The following CACNB2 variants were observed in gnomAD, a reference collection of about 807,000 sequenced individuals.
The protein encoded by CACNB2 is calcium voltage-gated channel auxiliary subunit beta 2.
Under a neutral mutation model 73.3 loss-of-function variants are expected in CACNB2, and 42 were observed. The ratio of observed to expected loss-of-function variants is 0.57; its 90% CI spans 0.45 to 0.74. The LOEUF is 0.74. CACNB2 is among the 30% of genes least tolerant of loss of function. CACNB2 has a pLI of 0.00. For missense variants in CACNB2, 940 were observed against 853.0 expected (o/e 1.10, Z -1.27); for synonymous variants, 348 against 310.3 (o/e 1.12, Z -1.28).
intron 3 of CACNB2, among the ~76,000 whole-genome samples, chr10:18,470,550 A>T (rs953404836): frequency 1.3e-5 from 2 of 151,582 alleles, no homozygotes; most frequent in South Asian, 4.2e-4. Flanking sequence ...GTTATTCTGT[A>T]TATATTATAT....
At chr10:18,181,427 G>A (rs1055569736) in intron 2 of CACNB2, among the ~76,000 whole-genome samples, 6 of 152,052 alleles carry the variant, frequency 3.9e-5, no homozygotes, top group East Asian at 1.9e-4. Context: ...CTCTCTGCCC[G>A]TAAGGAACTT....
intron 2 of CACNB2, among the ~76,000 whole-genome samples, chr10:18,309,116 C>CA (rs2039859478): frequency 6.6e-6 from 1 of 152,064 alleles, no homozygotes; most frequent in Admixed American, 6.6e-5. Context: ...GTGAAGCTGT[C>CA]ATTTGATATG....
intron 2 of CACNB2, among the ~76,000 whole-genome samples, chr10:18,366,703 T>A (rs2042368796): frequency 6.6e-6 from 1 of 150,944 alleles, no homozygotes; most frequent in Non-Finnish European, 1.5e-5. Flanking sequence ...TAGCCGGAAA[T>A]CACTTGAACT....
At chr10:18,260,619 C>G (rs556499659) in intron 2 of CACNB2, 4 of 987,010 alleles carry the variant, frequency 4.1e-6, no homozygotes, top group Non-Finnish European at 4.8e-6. Context: ...AGTCTAGACT[C>G]AGTCATTTTT....
At chr10:18,356,348 C>T (rs1189530562) in intron 2 of CACNB2, among the ~76,000 whole-genome samples, 1 of 152,200 alleles carries the variant, frequency 6.6e-6, no homozygotes, top group Non-Finnish European at 1.5e-5. Flanking sequence ...ACCTCATCAT[C>T]ACTGCTTATT....
intron 2 of CACNB2, among the ~76,000 whole-genome samples, chr10:18,218,956 GAGTTTA>G (rs2035619001): frequency 6.6e-6 from 1 of 152,190 alleles, no homozygotes; most frequent in East Asian, 1.9e-4. Flanking sequence ...TTGAGCCCAG[GAGTTTA>G]AGACCGGCCT....
At chr10:18,405,120 TG>T (rs1387127644) in intron 3 of CACNB2, among the ~76,000 whole-genome samples, 2 of 152,164 alleles carry the variant, frequency 1.3e-5, no homozygotes, top group Non-Finnish European at 2.9e-5. Flanking sequence ...ACAACTTTAT[TG>T]AGATATAATT....
chr10:18,536,109 A>G lies in CACNB2; in HGVS notation c.1215A>G (p.Gln405=). 6.3e-7 allele frequency: 1 copy of G among 1,598,414 alleles called. No homozygotes were observed. The highest frequency in any genetic ancestry group is 8.6e-7 in the Non-Finnish European group (1 of 1,165,854). The change falls in exon 12 of 14, where the codon CAA becomes CAG. Residue 405 remains glutamine (Q), a synonymous_variant. Coordinates refer to ENST00000324631, the MANE Select transcript of CACNB2 (RefSeq NM_201596.3). ...CTCATTATCTTTTACAGGTTTTACA[A>G]AGGTTAATAAAATCTCGAGGGAAAT... The part of the protein sequence containing the change: ...YVKISSPKVL[Q]RLIKSRGKSQ...
At chr10:18,284,481 G>C (rs1221764036) in intron 2 of CACNB2, among the ~76,000 whole-genome samples, 1 of 152,180 alleles carries the variant, frequency 6.6e-6, no homozygotes, top group African/African-American at 2.4e-5. Flanking sequence ...ATCCTTGATT[G>C]ATAGGATATA....
chr10:18,478,698 T>C (rs1440298973), intron 3 of CACNB2, among the ~76,000 whole-genome samples: 5 of 152,168 alleles, frequency 3.3e-5, no homozygotes, highest in Non-Finnish European at 5.9e-5. Flanking sequence ...AAACAAGTTA[T>C]GGGAGTAGGG....
chr10:18,195,421 G>A (rs1430028945), intron 2 of CACNB2, among the ~76,000 whole-genome samples: 1 of 152,122 alleles, frequency 6.6e-6, no homozygotes, highest in East Asian at 1.9e-4. Context: ...TCTCTCAGGG[G>A]GTATCAAGTG....
intron 2 of CACNB2, among the ~76,000 whole-genome samples, chr10:18,292,459 C>A (rs1264438166): frequency 1.3e-5 from 2 of 152,112 alleles, no homozygotes; most frequent in African/African-American, 4.8e-5. Context: ...AGTTCGAGAC[C>A]AGCCTGGCCA....
chr10:18,194,345 T>A (rs1167043678), intron 2 of CACNB2, among the ~76,000 whole-genome samples: 5 of 151,940 alleles, frequency 3.3e-5, no homozygotes, highest in Non-Finnish European at 5.9e-5. Flanking sequence ...CAGGTGGGAG[T>A]GAACCAAATC....
intron 2 of CACNB2, among the ~76,000 whole-genome samples, chr10:18,222,741 A>G (rs561176763): frequency 3.7e-4 from 57 of 152,276 alleles, no homozygotes; most frequent in Non-Finnish European, 6.9e-4. Flanking sequence ...GTTCAAGACC[A>G]GCCTGGCCAA....
chr10:18,142,771 C>A (rs151064175), intron 1 of CACNB2, among the ~76,000 whole-genome samples: 1 of 152,238 alleles, frequency 6.6e-6, no homozygotes, highest in African/African-American at 2.4e-5. Context: ...GGAAATGATT[C>A]TGATGTGAAA....
At chr10:18,343,926 GTAA>G (rs546971422) in intron 2 of CACNB2, among the ~76,000 whole-genome samples, 137 of 151,924 alleles carry the variant, frequency 9.0e-4, no homozygotes, top group Middle Eastern at 6.8e-3. Context: ...CTTCTAAATG[GTAA>G]TAAATAAATA....
rs367708095 is a variant in CACNB2 at position 18,514,210 on chromosome 10, C to T, written c.671-26C>T. 3 of 1,612,902 alleles carry T rather than the reference C, an allele frequency of 1.9e-6. No homozygotes were observed. The South Asian group carries it at 3.3e-5, about 18-fold the overall frequency. On this transcript the variant is annotated intron_variant, in intron 6 of 13. Coordinates refer to ENST00000324631, the MANE Select transcript of CACNB2 (RefSeq NM_201596.3). The stretch of plus-strand genomic sequence containing the variant: ...AACCTATTTTTCCTCTCCTGTCCAC[C>T]TGATTTTTGAATTGTCTGTATATAG...
chr10:18,403,702 G>T (rs962159872), intron 3 of CACNB2, among the ~76,000 whole-genome samples: 1 of 152,068 alleles, frequency 6.6e-6, no homozygotes, highest in African/African-American at 2.4e-5. Flanking sequence ...TCAAACCAGG[G>T]TCGTGTTACT....
At chr10:18,494,908 T>A (rs982995110) in intron 3 of CACNB2, among the ~76,000 whole-genome samples, 8 of 151,836 alleles carry the variant, frequency 5.3e-5, no homozygotes, top group Admixed American at 6.6e-5. Context: ...AAAGTTTTTT[T>A]AAAAAAAATA....
Sources: allele counts gnomAD v4.1 joint callset (sites outside exome capture counted in the v4.1 genomes callset), GRCh38; gene constraint gnomAD v4.1.1; transcripts MANE v1.5; gene names NCBI Gene and HGNC (gene_info 2026-07-23, HGNC 2026-07-21).